The following SLC8A1 variants were observed in gnomAD, a reference collection of about 807,000 sequenced individuals.
SLC8A1 encodes sodium/calcium exchanger 1.
Under a neutral mutation model 68.3 loss-of-function variants are expected in SLC8A1, and 18 were observed. The ratio of observed to expected loss-of-function variants is 0.26; its 90% confidence interval spans 0.18 to 0.39. The LOEUF (loss-of-function observed/expected upper bound fraction) is 0.39, where lower values mean the gene tolerates loss of function less well. Among genes scored for constraint, SLC8A1 ranks in the 10% least tolerant of loss-of-function variants. The probability of loss-of-function intolerance (pLI) is 1.00; values close to 1 mark genes in which losing one functional copy is unlikely to be tolerated. For missense variants in SLC8A1, 985 were observed against 1,156.7 expected, an observed-to-expected ratio of 0.85 and a Z score of 2.15; for synonymous variants, 475 against 415.5, an observed-to-expected ratio of 1.14 and a Z score of -1.74.
intron 2 of SLC8A1, among the ~76,000 whole-genome samples, chr2:40,284,544 A>T (rs1027847827): frequency 7.7e-4 from 113 of 146,764 alleles, no homozygotes; most frequent in African/African-American, 2.8e-3. Flanking sequence ...ATCTCTATTT[A>T]TATATATGTT....
At chr2:40,486,191 C>T (rs1413749619) in intron 1 of SLC8A1, among the ~76,000 whole-genome samples, 2 of 152,162 alleles carry the variant, frequency 1.3e-5, no homozygotes, top group African/African-American at 4.8e-5. Context: ...TCCCTTTTGC[C>T]TTCTGCCATG....
intron 1 of SLC8A1, among the ~76,000 whole-genome samples, chr2:40,467,154 T>C (rs993360994): frequency 6.6e-6 from 1 of 152,046 alleles, no homozygotes; most frequent in African/African-American, 2.4e-5. Flanking sequence ...TAGAGCACAG[T>C]GCTTATGATG....
intron 1 of SLC8A1, among the ~76,000 whole-genome samples, chr2:40,440,862 C>G (rs1268322816): frequency 1.3e-5 from 2 of 152,154 alleles, no homozygotes; most frequent in Non-Finnish European, 1.5e-5. Flanking sequence ...CCTTTGAAAA[C>G]TGGCACAAGA....
chr2:40,387,199 G>T (rs10201722), intron 2 of SLC8A1, among the ~76,000 whole-genome samples: 76,964 of 150,972 alleles, frequency 0.51, 20,752 homozygotes, highest in African/African-American at 0.59. Context: ...CTGTAGTAAT[G>T]GTATTTCCAG....
chr2:40,155,287 G>A (rs544999404), intron 6 of SLC8A1, among the ~76,000 whole-genome samples: 13 of 152,090 alleles, frequency 8.5e-5, no homozygotes, highest in African/African-American at 1.4e-4. Flanking sequence ...CCGCCACCAC[G>A]CCTGGCTAAT....
intron 2 of SLC8A1, among the ~76,000 whole-genome samples, chr2:40,190,092 A>G (rs2051479918): frequency 6.6e-6 from 1 of 152,200 alleles, no homozygotes; most frequent in South Asian, 2.1e-4. Context: ...CTACCTCGCT[A>G]AGCATCTTAT....
intron 1 of SLC8A1, among the ~76,000 whole-genome samples, chr2:40,431,359 T>C (rs1018969201): frequency 1.3e-5 from 2 of 152,000 alleles, no homozygotes; most frequent in Non-Finnish European, 2.9e-5. Flanking sequence ...AATTAGCTCA[T>C]GTGGCATGAC....
intron 2 of SLC8A1, among the ~76,000 whole-genome samples, chr2:40,281,506 C>G (rs1390047453): frequency 6.6e-6 from 1 of 152,148 alleles, no homozygotes; most frequent in Non-Finnish European, 1.5e-5. Flanking sequence ...TCAGCCAGGG[C>G]TTGTGAGCTG....
rs1347576990 is a variant in SLC8A1, at chr2:40,232,867, C to G, written c.1809-55012G>C. Among the ~76,000 whole-genome samples, 4 of 144,446 alleles carry G rather than the reference C, an allele frequency of 2.8e-5. No individual in the cohort carries two copies. In the South Asian group the frequency reaches 9.0e-4, roughly 33 times the overall value. The allele number at this position is 144,446 out of a possible 152,430, so 94.8% of individuals were successfully genotyped here. ...TGCGGTGTTTGGTTTTTTGTTCTTGCGATAGTTTACTGAGAATGATGGTTT... is the reference window on the plus strand; with the variant it reads ...TGCGGTGTTTGGTTTTTTGTTCTTGGGATAGTTTACTGAGAATGATGGTTT... On this transcript the variant is annotated intron_variant, in intron 2 of 7. Coordinates refer to ENST00000406785, the Ensembl canonical transcript of SLC8A1.
chr2:40,382,987 T>C (rs889719277), intron 2 of SLC8A1, among the ~76,000 whole-genome samples: 3 of 152,122 alleles, frequency 2.0e-5, no homozygotes, highest in Admixed American at 2.0e-4. Flanking sequence ...ATACACAACC[T>C]GTCTTATGGC....
Position 40,241,988 on chromosome 2 carries a change from A to C in SLC8A1, c.1809-64133T>G, listed in dbSNP as rs141656853. Among the ~76,000 whole-genome samples, 4 of 152,168 alleles carry C rather than the reference A, an allele frequency of 2.6e-5. No homozygotes were observed. The East Asian group carries it at 7.7e-4, about 29-fold the overall frequency. Reference sequence around the variant, plus strand: ...TAATCCAAGCAGTGTTCCACTCAATAATTTGATCTATTTCCTATAGTTTGC... The same window carrying C: ...TAATCCAAGCAGTGTTCCACTCAATCATTTGATCTATTTCCTATAGTTTGC... On this transcript the variant is annotated intron_variant, in intron 2 of 7. Transcript: ENST00000406785.
intron 2 of SLC8A1, among the ~76,000 whole-genome samples, chr2:40,230,900 G>C: frequency 6.6e-6 from 1 of 152,208 alleles, no homozygotes; most frequent in East Asian, 1.9e-4. Context: ...TGCCATCTAT[G>C]TGGAAAGCAG....
chr2:40,358,134 T>C (rs6544330), intron 2 of SLC8A1, among the ~76,000 whole-genome samples: 82,270 of 150,094 alleles, frequency 0.55, 22,776 homozygotes, highest in Admixed American at 0.62. Flanking sequence ...TGAAGAAAGG[T>C]TAAGAAAAGC....
chr2:40,221,797 C>G (rs1254691523), intron 2 of SLC8A1, among the ~76,000 whole-genome samples: 1 of 152,076 alleles, frequency 6.6e-6, no homozygotes, highest in Non-Finnish European at 1.5e-5. Flanking sequence ...GAATAAAATA[C>G]CTAGAAATAC....
intron 2 of SLC8A1, among the ~76,000 whole-genome samples, chr2:40,200,211 T>A (rs62148794): frequency 1.3e-3 from 9 of 7,026 alleles, no homozygotes; most frequent in African/African-American, 3.9e-3. Flanking sequence ...TATATAAATA[T>A]ATATATATTT....
chr2:40,206,510 T>C (rs2055478801), intron 2 of SLC8A1, among the ~76,000 whole-genome samples: 2 of 152,048 alleles, frequency 1.3e-5, no homozygotes, highest in African/African-American at 4.8e-5. Flanking sequence ...CTTTTTAATT[T>C]TAGGAATTGT....
At chr2:40,287,141 G>A (rs532260010) in intron 2 of SLC8A1, among the ~76,000 whole-genome samples, 1 of 152,292 alleles carries the variant, frequency 6.6e-6, no homozygotes, top group East Asian at 1.9e-4. Context: ...AAAAAAATAT[G>A]TAAGACTCAT....
chr2:40,423,887 GATATT>G (rs10604056), intron 2 of SLC8A1, among the ~76,000 whole-genome samples: 2,477 of 152,034 alleles, frequency 0.016, 65 homozygotes, highest in African/African-American at 0.055. Flanking sequence ...GTTTGCAGAT[GATATT>G]ATATGTGATT....
intron 1 of SLC8A1, among the ~76,000 whole-genome samples, chr2:40,497,785 G>T (rs1483165231): frequency 6.6e-6 from 1 of 152,072 alleles, no homozygotes; most frequent in South Asian, 2.1e-4. Context: ...TTGGTATTAA[G>T]TTAATGAATT....
Sources: allele counts gnomAD v4.1 joint callset (sites outside exome capture counted in the v4.1 genomes callset), GRCh38; gene constraint gnomAD v4.1.1; transcripts MANE v1.5; gene names NCBI Gene and HGNC (gene_info 2026-07-23, HGNC 2026-07-21).